B4GALNT4: variants seen among roughly 807,000 people sequenced by gnomAD.
The protein encoded by B4GALNT4 is N-acetyl-beta-glucosaminyl-glycoprotein 4-beta-N-acetylgalactosaminyltransferase 1.
B4GALNT4 carries 77 observed loss-of-function variants against 110.0 expected under a neutral mutation model. That is an observed-to-expected ratio of 0.70 (90% CI 0.58 to 0.85). The LOEUF is 0.85. B4GALNT4 is among the 40% of genes least tolerant of loss of function. The probability of loss-of-function intolerance (pLI) is 0.00; values close to 1 mark genes in which losing one functional copy is unlikely to be tolerated. For missense variants in B4GALNT4, 1,575 were observed against 1,506.0 expected (o/e 1.05, Z -0.76); for synonymous variants, 785 against 655.5 (o/e 1.20, Z -3.02).
At chr11:373,663 G>T in intron 7 of B4GALNT4, 87 bp from the exon 8 acceptor site, 1 of 1,537,172 alleles carries the variant, frequency 6.5e-7, no homozygotes. Flanking sequence ...CCAGCCCTGA[G>T]GGGTGTGGGA....
At chr11:381,082 A>T in intron 19 of B4GALNT4, 131 bp downstream of exon 19, 1 of 1,469,204 alleles carries the variant, frequency 6.8e-7, no homozygotes, top group Non-Finnish European at 9.0e-7. Context: ...CGGTCTTCCC[A>T]GTATCCTGTA....
chr11:375,408 C>A (rs939312477), intron 8 of B4GALNT4, 53 bp from the exon 9 acceptor site: 5 of 1,592,676 alleles, frequency 3.1e-6, no homozygotes, highest in Non-Finnish European at 4.3e-6. Flanking sequence ...ACCCTTTCTT[C>A]CCTGGACCCA....
chr11:372,033 C>G (rs1846626171), intron 1 of B4GALNT4, 76 bp from the exon 2 acceptor site: 1 of 1,267,180 alleles, frequency 7.9e-7, no homozygotes, highest in Non-Finnish European at 1.1e-6. Context: ...GTCCCTGGCC[C>G]AGCTGAACCC....
chr11:371,274 C>T (rs774703089), intron 1 of B4GALNT4, among the ~76,000 whole-genome samples: 135 of 152,146 alleles, frequency 8.9e-4, no homozygotes, highest in Middle Eastern at 3.2e-3. Context: ...ACTGTTCTGT[C>T]GGGGGACCTG....
Position 375,532 on chromosome 11 carries a change from G to C in B4GALNT4, c.850+5G>C, listed in dbSNP as rs1305970712. On this transcript the variant is annotated splice_donor_5th_base_variant and intron_variant, in intron 9 of 19. Transcript: ENST00000329962. ...CTCACATCTCCCTGTACACAGGTGC[G>C]AGCGGACGCCTCTGGGGATGTGGGG... 1 of 1,610,124 alleles carries C rather than the reference G, an allele frequency of 6.2e-7. No individual in the cohort carries two copies. The highest frequency in any genetic ancestry group is 8.5e-7 in the Non-Finnish European group (1 of 1,179,756).
chr11:376,588 A>G lies in B4GALNT4; in HGVS notation c.1465A>G (p.Arg489Gly), dbSNP rs762727549. The G allele has an allele frequency of 4.3e-4, 531 of 1,244,116 alleles. No homozygotes were observed. Among genetic ancestry groups the G allele is most frequent in the Non-Finnish European group, 5.1e-4 (513 of 999,510 alleles). The allele number at this position is 1,244,116 out of a possible 1,614,324, so 77.1% of individuals were successfully genotyped here. A position where few individuals can be genotyped will look rare whatever the true frequency, so the allele number is the denominator to read the frequency against. The change falls in exon 14 of 20, where the codon AGG becomes GGG. Residue 489 changes from arginine (R) to glycine (G), a missense_variant. Arg to Gly is a moderately radical substitution (Grantham distance 125). Coordinates refer to ENST00000329962, the MANE Select transcript of B4GALNT4 (RefSeq NM_178537.5). ...PPRPRDGGTP[R>G]HSRALSWAAR... ...CCGCCCCCGGGACGGGGGGACCCCC[A>G]GGCACTCCCGGGCCCTGAGCTGGGC...
intron 6 of B4GALNT4, 53 bp from the exon 7 acceptor site, chr11:373,396 G>C: frequency 1.3e-6 from 2 of 1,485,408 alleles, no homozygotes. Flanking sequence ...GGTGTCCCCA[G>C]GGAGAGAGTG....
In B4GALNT4 at chr11:379,124, GC is replaced by G. The variant is rs1434437681; in HGVS notation, c.2205-293del. Among the ~76,000 whole-genome samples, 12 of 152,222 alleles carry G rather than the reference GC, an allele frequency of 7.9e-5. 1 individual carries two copies. The highest frequency in any genetic ancestry group is 1.8e-4 in the Non-Finnish European group (12 of 68,030). On this transcript the variant is annotated intron_variant, in intron 14 of 19. Transcript: ENST00000329962. ...TCTGAGCAAGGGGGTAACAGGACAG[GC>G]GGGCATGTCATAAACGTCACCTGGG...
intron 16 of B4GALNT4, 31 bp downstream of exon 16, chr11:380,050 C>G: frequency 1.2e-6 from 2 of 1,604,720 alleles, no homozygotes; most frequent in Non-Finnish European, 1.7e-6. Flanking sequence ...CTGGGCGGAC[C>G]CAGCGCAGCT....
In B4GALNT4 at chr11:380,375, G is replaced by A; in HGVS notation, c.2799G>A (p.Val933=). ...NILDGIRKHC[V]EGRLAFAPVV... ...TGGACGGCATCCGCAAGCACTGCGT[G>A]GAGGGCAGGCTGGCCTTCGCGCCCG... The change falls in exon 18 of 20, where the codon GTG becomes GTA. Residue 933 remains valine (V), a synonymous_variant. Coordinates refer to ENST00000329962, the MANE Select transcript of B4GALNT4 (RefSeq NM_178537.5). The A allele has an allele frequency of 6.2e-7, 1 of 1,613,292 alleles. No homozygotes were observed. The highest frequency in any genetic ancestry group is 2.2e-5 in the East Asian group (1 of 44,866).
chr11:371,902 T>C (rs1273784228), intron 1 of B4GALNT4, among the ~76,000 whole-genome samples: 1 of 151,750 alleles, frequency 6.6e-6, no homozygotes, highest in Admixed American at 6.6e-5. Flanking sequence ...CCACCAGAGG[T>C]GGGGTGTAGA....
At chr11:375,182 A>T (rs1161836105) in intron 8 of B4GALNT4, among the ~76,000 whole-genome samples, 9 of 67,278 alleles carry the variant, frequency 1.3e-4, no homozygotes, top group East Asian at 4.6e-4. Context: ...GGGAGGGAGG[A>T]GGAAGGGAGG....
chr11:369,711 C>A lies in B4GALNT4; in HGVS notation c.-93C>A. 1 of 616,630 alleles carries A rather than the reference C, an allele frequency of 1.6e-6. No homozygotes were observed. Among genetic ancestry groups the A allele is most frequent in the Non-Finnish European group, 2.0e-6 (1 of 499,178 alleles). The allele number at this position is 616,630 out of a possible 1,614,324, so 38.2% of individuals were successfully genotyped here. A position where few individuals can be genotyped will look rare whatever the true frequency, so the allele number is the denominator to read the frequency against. On this transcript the variant is annotated 5_prime_UTR_variant, in exon 1 of 20. Coordinates refer to ENST00000329962, the MANE Select transcript of B4GALNT4 (RefSeq NM_178537.5). ...GCGGGGCCGCGGGCGCTGAGCGCGG[C>A]GGGGCGGGCCGGGGATGCGGCGCGG...
At chr11:379,759 A>G in intron 15 of B4GALNT4, 58 bp downstream of exon 15, 1 of 1,503,798 alleles carries the variant, frequency 6.6e-7, no homozygotes, top group South Asian at 1.3e-5. Context: ...ATGGACCCTA[A>G]TGACTAGGAA....
chr11:378,369 C>G (rs1846803552), intron 14 of B4GALNT4, among the ~76,000 whole-genome samples: 1 of 152,178 alleles, frequency 6.6e-6, no homozygotes, highest in Non-Finnish European at 1.5e-5. Flanking sequence ...GGCACGCCTG[C>G]CCCGGCTCTA....
At chr11:379,241 G>C (rs1030035818) in intron 14 of B4GALNT4, among the ~76,000 whole-genome samples, 177 bp from the exon 15 acceptor site, 2 of 152,220 alleles carry the variant, frequency 1.3e-5, no homozygotes, top group African/African-American at 4.8e-5. Flanking sequence ...CCTGGAGGGG[G>C]TGGCTGGAAG....
In B4GALNT4 at chr11:372,035, G is replaced by C. The variant is rs1408290577; in HGVS notation, c.152-74G>C. 11 of 1,304,304 alleles carry C rather than the reference G, an allele frequency of 8.4e-6. No homozygotes were observed. The Admixed American group carries it at 1.0e-4, about 12-fold the overall frequency. 80.8% of individuals were successfully genotyped at this position (1,304,304 alleles called of 1,614,324 possible). Reference sequence around the variant, plus strand: ...TCTGGCCATGTGGGTCCCTGGCCCAGCTGAACCCAGCAGCAGGCAGAATGG... The same window carrying C: ...TCTGGCCATGTGGGTCCCTGGCCCACCTGAACCCAGCAGCAGGCAGAATGG... On this transcript the variant is annotated intron_variant, in intron 1 of 19. Coordinates refer to ENST00000329962, the MANE Select transcript of B4GALNT4 (RefSeq NM_178537.5).
intron 19 of B4GALNT4, 50 bp downstream of exon 19, chr11:381,001 C>T (rs1228642056): frequency 1.4e-5 from 22 of 1,580,540 alleles, no homozygotes; most frequent in Non-Finnish European, 1.9e-5. Flanking sequence ...CCTGCGTCCT[C>T]CTCCTCTGAA....
intron 14 of B4GALNT4, among the ~76,000 whole-genome samples, chr11:378,828 G>T (rs940186874): frequency 4.6e-5 from 7 of 152,104 alleles, no homozygotes; most frequent in African/African-American, 1.7e-4. Context: ...CTGGGGGAAA[G>T]GGGTGCTGTG....
Sources: gnomAD v4.1 joint callset for allele counts (sites outside exome capture counted in the v4.1 genomes callset) on GRCh38, gnomAD v4.1.1 for gene constraint, MANE v1.5 for transcripts, NCBI Gene and HGNC (gene_info 2026-07-23, HGNC 2026-07-21) for gene names.